AGAP1: variants seen among roughly 807,000 people sequenced by gnomAD.
AGAP1 encodes ArfGAP with GTPase domain, ankyrin repeat and PH domain 1, also known as arf-GAP with GTPase, ANK repeat and PH domain-containing protein 1.
A neutral mutation model predicts 105.3 loss-of-function variants in AGAP1; 29 were observed. The observed-to-expected ratio is 0.28, with a 90% CI of 0.21 to 0.38. The LOEUF is 0.38. Ranked by LOEUF, AGAP1 falls within the 10% of genes least tolerant of loss-of-function variation. The pLI is 1.00. For synonymous variants in AGAP1, 509 were observed against 485.9 expected, an observed-to-expected ratio of 1.05 and a Z score of -0.63; for missense variants, 998 against 1,165.1, an observed-to-expected ratio of 0.86 and a Z score of 2.09.
chr2:235,911,455 G>A (rs1406572235), intron 11 of AGAP1, among the ~76,000 whole-genome samples: 1 of 152,234 alleles, frequency 6.6e-6, no homozygotes, highest in Non-Finnish European at 1.5e-5. Flanking sequence ...AGATATGAAG[G>A]AAGGGCACCA....
At chr2:235,588,114 C>A (rs935742706) in intron 1 of AGAP1, among the ~76,000 whole-genome samples, 13 of 151,942 alleles carry the variant, frequency 8.6e-5, no homozygotes, top group African/African-American at 3.1e-4. Context: ...CCTGTAGTCC[C>A]AGCTACTCGG....
At chr2:235,966,303 A>G (rs1575913471) in intron 12 of AGAP1, among the ~76,000 whole-genome samples, 12 of 103,796 alleles carry the variant, frequency 1.2e-4, no homozygotes, top group Non-Finnish European at 1.7e-4. Context: ...GATGGAGAAG[A>G]GGGGGGCCTG....
intron 13 of AGAP1, among the ~76,000 whole-genome samples, chr2:236,006,246 C>T (rs1258751112): frequency 6.6e-6 from 1 of 152,180 alleles, no homozygotes; most frequent in Non-Finnish European, 1.5e-5. Context: ...TTTGTTTGAG[C>T]ACTTTCCTTC....
Position 235,599,769 on chromosome 2 carries a change from C to G in AGAP1, c.163+104920C>G, listed in dbSNP as rs1413582321. On this transcript the variant is annotated intron_variant, in intron 1 of 17. Transcript: ENST00000304032. This position sits in a 1 kb window ranked among gnomAD's most constrained non-coding sequence, Gnocchi z 5.3. ...CTGGCTCTCTAGGGCTTTTCCCCTC[C>G]AGGTTCAGAGAGAGCGCCTGCCCCA... 1.3e-5 allele frequency among the ~76,000 whole-genome samples: 2 copies of G among 152,180 alleles called. No homozygotes were observed. The highest frequency in any genetic ancestry group is 2.9e-5 in the Non-Finnish European group (2 of 68,046).
In AGAP1 at chr2:235,612,406, C is replaced by T. The variant is rs1399929363; in HGVS notation, c.164-96773C>T. On this transcript the variant is annotated intron_variant, in intron 1 of 17. Transcript: ENST00000304032. This position sits in a 1 kb window ranked among gnomAD's most constrained non-coding sequence, Gnocchi z 4.3. ...AAGGACAGCAGTAAATAATTTATGTCAGCTGGAGCCCTTGGCCCTGGTAAT... is the reference window on the plus strand; with the variant it reads ...AAGGACAGCAGTAAATAATTTATGTTAGCTGGAGCCCTTGGCCCTGGTAAT... 6.6e-6 allele frequency among the ~76,000 whole-genome samples: 1 copy of T among 152,208 alleles called. No individual in the cohort carries two copies. The highest frequency in any genetic ancestry group is 1.5e-5 in the Non-Finnish European group (1 of 68,048).
At position 235,983,473 on chromosome 2, in the gene AGAP1, T is replaced by C. The variant is rs1424998994; in HGVS notation, c.1645+14850T>C. ...TTCTCTTGTTTAATTTCTTTTTTCTTCTTTTCCCATCCATAACCTCATCAT... is the reference window on the plus strand; with the variant it reads ...TTCTCTTGTTTAATTTCTTTTTTCTCCTTTTCCCATCCATAACCTCATCAT... On this transcript the variant is annotated intron_variant, in intron 13 of 17. Coordinates refer to ENST00000304032, the MANE Select transcript of AGAP1 (RefSeq NM_001037131.3). The surrounding 1 kb of genome is among the most constrained non-coding windows in gnomAD (Gnocchi z 4.5). Among the ~76,000 whole-genome samples the C allele has an allele frequency of 6.6e-6, 1 of 152,224 alleles. No individual in the cohort carries two copies. Among genetic ancestry groups the C allele is most frequent in the Admixed American group, 6.5e-5 (1 of 15,288 alleles).
chr2:236,088,371 C>T (rs1316464924), intron 16 of AGAP1, among the ~76,000 whole-genome samples: 1 of 152,250 alleles, frequency 6.6e-6, no homozygotes, highest in Non-Finnish European at 1.5e-5. Flanking sequence ...CATTAAGCAT[C>T]TGGAGTTTGG....
rs139476749 is a variant in AGAP1, at chr2:235,593,755, G to T, written c.163+98906G>T. 4.6e-3 allele frequency among the ~76,000 whole-genome samples: 694 copies of T among 152,226 alleles called. 1 individual carries two copies. Among genetic ancestry groups the T allele is most frequent in the Non-Finnish European group, 7.4e-3 (501 of 68,024 alleles). The stretch of plus-strand genomic sequence containing the variant: ...AAGGTGGGAGGACTGTATGAGGCCA[G>T]GAGTTCAAGACCAGCCCGGGCAACA... On this transcript the variant is annotated intron_variant, in intron 1 of 17. Coordinates refer to ENST00000304032, the MANE Select transcript of AGAP1 (RefSeq NM_001037131.3).
At chr2:235,873,750 C>T (rs777931289) in intron 9 of AGAP1, among the ~76,000 whole-genome samples, 2 of 152,204 alleles carry the variant, frequency 1.3e-5, no homozygotes, top group Admixed American at 1.3e-4. Flanking sequence ...GTTTTTGAGA[C>T]GAGGTCTTAC....
At chr2:235,755,109 C>T (rs1482379045) in intron 6 of AGAP1, among the ~76,000 whole-genome samples, 2 of 151,968 alleles carry the variant, frequency 1.3e-5, no homozygotes, top group Admixed American at 6.6e-5. Flanking sequence ...GGGGCTGGGG[C>T]GGGCTGGATG....
chr2:235,923,492 C>A (rs1027915288), intron 11 of AGAP1, among the ~76,000 whole-genome samples: 3 of 151,228 alleles, frequency 2.0e-5, no homozygotes, highest in Non-Finnish European at 4.4e-5. Context: ...CCTCATGGAC[C>A]CCTTCCTGTC....
At chr2:236,099,256 T>G (rs978098590) in intron 16 of AGAP1, among the ~76,000 whole-genome samples, 1 of 151,850 alleles carries the variant, frequency 6.6e-6, no homozygotes, top group Non-Finnish European at 1.5e-5. Context: ...ATTGAGACTA[T>G]CCTGACTAAC....
chr2:235,594,498 GGGCCA>G (rs1945453671), intron 1 of AGAP1, among the ~76,000 whole-genome samples: 1 of 151,824 alleles, frequency 6.6e-6, no homozygotes, highest in African/African-American at 2.4e-5. Context: ...GCATCTCTGT[GGGCCA>G]GGTACTGTGT....
Position 235,633,511 on chromosome 2 carries a change from C to G in AGAP1, c.164-75668C>G, listed in dbSNP as rs1036716484. Among the ~76,000 whole-genome samples the G allele has an allele frequency of 2.6e-5, 4 of 152,102 alleles. No individual in the cohort carries two copies. Among genetic ancestry groups the G allele is most frequent in the African/African-American group, 9.7e-5 (4 of 41,426 alleles). On this transcript the variant is annotated intron_variant, in intron 1 of 17. Coordinates refer to ENST00000304032, the MANE Select transcript of AGAP1 (RefSeq NM_001037131.3). The surrounding 1 kb of genome is among the most constrained non-coding windows in gnomAD (Gnocchi z 4.8). ...CGGGGGCTAAAGCAGGAGAATCCCT[C>G]GAACCCAGGAGGAGGAGGTTGCAGT... is the stretch of plus-strand genomic sequence containing the variant.
intron 9 of AGAP1, among the ~76,000 whole-genome samples, chr2:235,825,173 T>C (rs1338458542): frequency 6.6e-6 from 1 of 152,232 alleles, no homozygotes; most frequent in Non-Finnish European, 1.5e-5. Context: ...CTCCCAGGCT[T>C]CCTGGATGCA....
intron 9 of AGAP1, among the ~76,000 whole-genome samples, chr2:235,841,483 G>A (rs549261244): frequency 6.6e-6 from 1 of 152,192 alleles, no homozygotes; most frequent in Non-Finnish European, 1.5e-5. Context: ...AAACAGATTA[G>A]CCAGGCATGG....
chr2:235,930,873 C>T lies in AGAP1; in HGVS notation c.1433C>T (p.Ala478Val). 1 of 1,614,126 alleles carries T rather than the reference C, an allele frequency of 6.2e-7. No individual in the cohort carries two copies. The highest frequency in any genetic ancestry group is 1.7e-5 in the Admixed American group (1 of 60,018). Residue 478 changes from alanine (A) to valine (V), a missense_variant, in exon 12 of 18, where the codon GCC becomes GTC. Physicochemically the swap from Ala to Val is moderately conservative, Grantham distance 64. Coordinates refer to ENST00000304032, the MANE Select transcript of AGAP1 (RefSeq NM_001037131.3). This position sits in a 1 kb window ranked among gnomAD's most constrained non-coding sequence, Gnocchi z 7.9. ...CAGCGCTCCTACTCAGTCTCCAGTG[C>T]CGACCAGTGGAGTGAGGCTACGGTC... ...MHQRSYSVSS[A>V]DQWSEATVIA...
At chr2:236,094,106 G>A (rs2059130059) in intron 16 of AGAP1, among the ~76,000 whole-genome samples, 1 of 152,072 alleles carries the variant, frequency 6.6e-6, no homozygotes, top group Non-Finnish European at 1.5e-5. Context: ...GCACTCAGCT[G>A]TATAACACCT....
intron 10 of AGAP1, among the ~76,000 whole-genome samples, chr2:235,890,485 A>G (rs1189231997): frequency 2.6e-5 from 4 of 152,314 alleles, no homozygotes; most frequent in East Asian, 3.9e-4. Flanking sequence ...GTGGGGCAGG[A>G]TAACAAGGAC....
Sources: allele counts gnomAD v4.1 joint callset (sites outside exome capture counted in the v4.1 genomes callset), GRCh38; gene constraint gnomAD v4.1.1; non-coding constraint Gnocchi (gnomAD v3.1); transcripts MANE v1.5; gene names NCBI Gene and HGNC (gene_info 2026-07-23, HGNC 2026-07-21).